Variants in FRAS1 observed in about 807,000 individuals in gnomAD.
FRAS1 encodes extracellular matrix organizing protein FRAS1.
In FRAS1, 290 loss-of-function variants were observed where a neutral mutation model predicts 435.2. The observed-to-expected ratio is 0.67, with a 90% confidence interval of 0.61 to 0.73. FRAS1 has a LOEUF of 0.73. Among genes scored for constraint, FRAS1 ranks in the 30% least tolerant of loss-of-function variants. The pLI is 0.00. For synonymous variants in FRAS1, 1,800 were observed against 1,851.0 expected (o/e 0.97, Z 0.71); for missense variants, 4,860 against 5,001.5 (o/e 0.97, Z 0.85).
chr4:78,327,734 A>G (rs1419274320), intron 18 of FRAS1, among the ~76,000 whole-genome samples: 1 of 152,230 alleles, frequency 6.6e-6, no homozygotes, highest in East Asian at 1.9e-4. Context: ...TAATGGGTTC[A>G]GTCTTCCTTG....
At chr4:78,503,912 G>A (rs889752551) in intron 61 of FRAS1, among the ~76,000 whole-genome samples, 1 of 152,170 alleles carries the variant, frequency 6.6e-6, no homozygotes, top group Non-Finnish European at 1.5e-5. Context: ...CTGGTACATT[G>A]TGTCTTTGTT....
chr4:78,140,560 G>A (rs1021384037), intron 2 of FRAS1, among the ~76,000 whole-genome samples: 7 of 151,604 alleles, frequency 4.6e-5, no homozygotes, highest in Admixed American at 3.9e-4. Flanking sequence ...TTGCAAAATC[G>A]TGGAACCAAC....
chr4:78,115,932 T>C (rs548657881), intron 2 of FRAS1, among the ~76,000 whole-genome samples: 2 of 152,342 alleles, frequency 1.3e-5, no homozygotes, highest in Admixed American at 6.5e-5. Flanking sequence ...AGGTTGTCAA[T>C]TTTAGATCTT....
At chr4:78,251,717 T>A (rs891503313) in intron 4 of FRAS1, among the ~76,000 whole-genome samples, 1 of 152,180 alleles carries the variant, frequency 6.6e-6, no homozygotes, top group African/African-American at 2.4e-5. Context: ...TTATTATAGA[T>A]CAAGAAACTG....
chr4:78,189,453 G>GTACTCAGTTCTTC (rs1722432707), intron 2 of FRAS1, among the ~76,000 whole-genome samples: 1 of 152,172 alleles, frequency 6.6e-6, no homozygotes, highest in African/African-American at 2.4e-5. Flanking sequence ...TTGGAATACT[G>GTACTCAGTTCTTC]AGGCTGGAAA....
At chr4:78,433,744 CG>C (rs2110391925) in intron 38 of FRAS1, among the ~76,000 whole-genome samples, 1 of 152,244 alleles carries the variant, frequency 6.6e-6, no homozygotes, top group African/African-American at 2.4e-5. Flanking sequence ...TTATGAAACT[CG>C]TGAATTCATA....
chr4:78,475,524 G>T lies in FRAS1; in HGVS notation c.7769G>T (p.Arg2590Leu), dbSNP rs371336930. Residue 2590 changes from arginine (R) to leucine (L), a missense_variant, in exon 54 of 74, where the codon CGC (arginine) becomes CTC (leucine). Transcript: ENST00000512123. ...AACCAATATGCCATCGTCCTGTGTC[G>T]CACCGAGCAAGGCACCGCCAGCTCC... ...NLNQYAIVLC[R>L]TEQGTASSSS... 2 of 1,613,766 alleles carry T rather than the reference G, an allele frequency of 1.2e-6. No individual in the cohort carries two copies. The highest frequency in any genetic ancestry group is 1.7e-5 in the Admixed American group (1 of 60,016).
intron 2 of FRAS1, chr4:78,181,874 G>A (rs1333353221): frequency 2.5e-6 from 4 of 1,611,820 alleles, no homozygotes; most frequent in South Asian, 2.2e-5. Flanking sequence ...GGTCTGGGCC[G>A]CCGCCTGAGC....
In FRAS1 at chr4:78,359,741, C is replaced by T. The variant is rs139077206; in HGVS notation, c.2423-3772C>T. ...TTGCACACTCGAGTATTTGTAATCTCCTGTGTGAGGTAGAACTATAAACTA... is the reference window on the plus strand; with the variant it reads ...TTGCACACTCGAGTATTTGTAATCTTCTGTGTGAGGTAGAACTATAAACTA... On this transcript the variant is annotated intron_variant, in intron 20 of 73. Coordinates refer to ENST00000512123, the MANE Select transcript of FRAS1 (RefSeq NM_025074.7). 1.8e-4 allele frequency among the ~76,000 whole-genome samples: 28 copies of T among 152,220 alleles called. No homozygotes were observed. The East Asian group carries it at 5.0e-3, about 27-fold the overall frequency.
chr4:78,437,887 G>A (rs1366911378), intron 38 of FRAS1, among the ~76,000 whole-genome samples: 1 of 152,098 alleles, frequency 6.6e-6, no homozygotes, highest in Non-Finnish European at 1.5e-5. Flanking sequence ...TTGAAACAGA[G>A]AAAGTCATTT....
intron 15 of FRAS1, among the ~76,000 whole-genome samples, chr4:78,315,022 A>G (rs535248955): frequency 2.5e-4 from 38 of 152,314 alleles, no homozygotes; most frequent in African/African-American, 9.1e-4. Context: ...TAACCCCGGC[A>G]CAAGACCTGA....
intron 70 of FRAS1, among the ~76,000 whole-genome samples, chr4:78,531,721 C>A (rs1384636432): frequency 1.3e-5 from 2 of 152,170 alleles, no homozygotes; most frequent in Non-Finnish European, 2.9e-5. Flanking sequence ...TATCATCATA[C>A]CTACATCTGT....
intron 63 of FRAS1, 29 bp downstream of exon 63, chr4:78,509,035 C>G (rs759962948): frequency 6.2e-7 from 1 of 1,611,596 alleles, no homozygotes; most frequent in Admixed American, 1.7e-5. Context: ...GCCTGGTTCT[C>G]CCTCCCTGGG....
At chr4:78,271,969 A>G (rs1726720033) in intron 9 of FRAS1, among the ~76,000 whole-genome samples, 1 of 152,194 alleles carries the variant, frequency 6.6e-6, no homozygotes, top group Non-Finnish European at 1.5e-5. Context: ...CATCCTCTCC[A>G]GCACCTGTTC....
chr4:78,528,236 G>GGAA (rs368941516), intron 70 of FRAS1, among the ~76,000 whole-genome samples: 3 of 152,092 alleles, frequency 2.0e-5, no homozygotes, highest in Non-Finnish European at 4.4e-5. Context: ...CAGGCGGTGT[G>GGAA]GAACTGCTTT....
chr4:78,489,968 C>CAAAAAAAAAAAAA (rs61568957), intron 59 of FRAS1, among the ~76,000 whole-genome samples: 1,130 of 91,982 alleles, frequency 0.012, 15 homozygotes, highest in East Asian at 0.018. Flanking sequence ...TAGTGGAAAA[C>CAAAAAAAAAAAAA]AAAAAAAAAA....
intron 61 of FRAS1, among the ~76,000 whole-genome samples, chr4:78,501,715 G>A (rs1230275059): frequency 6.7e-6 from 1 of 150,234 alleles, no homozygotes; most frequent in Admixed American, 6.6e-5. Context: ...TCTGATGACC[G>A]ATGGAATTAA....
chr4:78,334,270 TCTA>T (rs1730072047), intron 19 of FRAS1, among the ~76,000 whole-genome samples: 1 of 152,134 alleles, frequency 6.6e-6, no homozygotes, highest in South Asian at 2.1e-4. Context: ...TCCTTTTTGA[TCTA>T]CTTTTTATGC....
At chr4:78,339,937 A>C (rs892703134) in intron 20 of FRAS1, among the ~76,000 whole-genome samples, 35 of 152,196 alleles carry the variant, frequency 2.3e-4, no homozygotes, top group African/African-American at 8.2e-4. Context: ...TAGGACCTGA[A>C]TTATATCCTT....
Sources: allele counts gnomAD v4.1 joint callset (sites outside exome capture counted in the v4.1 genomes callset), GRCh38; gene constraint gnomAD v4.1.1; transcripts MANE v1.5; gene names NCBI Gene and HGNC (gene_info 2026-07-23, HGNC 2026-07-21).